Variants in AHCYL1 observed in about 807,000 individuals in gnomAD.
AHCYL1 encodes adenosylhomocysteinase like 1, also known as S-adenosylhomocysteine hydrolase-like protein 1.
In AHCYL1, 20 loss-of-function variants were observed where a neutral mutation model predicts 79.3. That is an observed-to-expected ratio of 0.25 (90% CI 0.18 to 0.37). The LOEUF is 0.37. AHCYL1 is among the 10% of genes least tolerant of loss of function. AHCYL1 has a pLI of 1.00. For synonymous variants in AHCYL1, 223 were observed against 242.2 expected (o/e 0.92, Z 0.74); for missense variants, 330 against 673.6 (o/e 0.49, Z 5.65).
chr1:109,990,208 C>G (rs1012845253), intron 1 of AHCYL1, among the ~76,000 whole-genome samples: 5 of 152,200 alleles, frequency 3.3e-5, no homozygotes, highest in Non-Finnish European at 7.3e-5. Context: ...CCTTTAGTCT[C>G]TACCATCTAA....
At chr1:110,012,056 T>A (rs1651068445) in intron 3 of AHCYL1, among the ~76,000 whole-genome samples, 1 of 152,234 alleles carries the variant, frequency 6.6e-6, no homozygotes, top group Non-Finnish European at 1.5e-5. Flanking sequence ...CTTAACTATT[T>A]TCCTCTCTTC....
Position 109,984,925 on chromosome 1 carries a change from T to C in AHCYL1, c.-128T>C. 2 of 1,309,506 alleles carry C rather than the reference T, an allele frequency of 1.5e-6. No homozygotes were observed. The highest frequency in any genetic ancestry group is 1.9e-6 in the Non-Finnish European group (2 of 1,028,058). 81.1% of individuals were successfully genotyped at this position (1,309,506 alleles called of 1,614,324 possible). Reference sequence around the variant, plus strand: ...ACAGCACCTCAGAAGCCGACGCAGCTCGACGCAGGGGCCGGCAGGAGGGTG... The same window carrying C: ...ACAGCACCTCAGAAGCCGACGCAGCCCGACGCAGGGGCCGGCAGGAGGGTG... On this transcript the variant is annotated 5_prime_UTR_variant, in exon 1 of 17. Transcript: ENST00000369799.
chr1:109,985,067 C>G lies in AHCYL1; in HGVS notation c.15C>G (p.Asp5Glu). The G allele has an allele frequency of 1.2e-6, 2 of 1,602,500 alleles. No individual in the cohort carries two copies. The highest frequency in any genetic ancestry group is 1.7e-6 in the Non-Finnish European group (2 of 1,175,616). The change falls in exon 1 of 17, where the codon GAC (aspartate) becomes GAG (glutamate). Residue 5 changes from aspartate to glutamate, a missense_variant. Transcript: ENST00000369799. Reference protein sequence around the residue: MSMPDAMPLPGVGEE... With the variant: MSMPEAMPLPGVGEE... ...CCGGCCGGGGAATGTCGATGCCTGA[C>G]GCGATGCCGCTGCCCGGGGTCGGGG...
chr1:109,995,775 TGGGGGA>T, intron 1 of AHCYL1: 1 of 823,512 alleles, frequency 1.2e-6, no homozygotes, highest in Non-Finnish European at 1.5e-6. Flanking sequence ...GTAATCAGAA[TGGGGGA>T]GGAGCTGAGA....
At chr1:110,017,734 C>T in intron 10 of AHCYL1, 151 bp downstream of exon 10, 1 of 1,013,140 alleles carries the variant, frequency 9.9e-7, no homozygotes, top group Non-Finnish European at 1.4e-6. Context: ...AACCCTAGGG[C>T]TCTCTGAGAG....
At chr1:110,020,629 C>G (rs576691755) in intron 15 of AHCYL1, 102 bp from the exon 16 acceptor site, 15 of 1,413,754 alleles carry the variant, frequency 1.1e-5, no homozygotes, top group Admixed American at 2.4e-5. Context: ...TATTCCATCC[C>G]TTGTCTGCTT....
chr1:110,019,741 GGTT>G, intron 15 of AHCYL1, 115 bp downstream of exon 15: 1 of 1,027,542 alleles, frequency 9.7e-7, no homozygotes, highest in Non-Finnish European at 1.4e-6. Flanking sequence ...TGTGCTTACT[GGTT>G]GTTTGACCTC....
At chr1:110,020,095 G>A (rs1651695036) in intron 15 of AHCYL1, among the ~76,000 whole-genome samples, 1 of 152,160 alleles carries the variant, frequency 6.6e-6, no homozygotes, top group Admixed American at 6.5e-5. Context: ...TTTCTGCACG[G>A]TGTACCCATC....
intron 1 of AHCYL1, among the ~76,000 whole-genome samples, chr1:109,987,200 A>G (rs775978072): frequency 1.3e-5 from 2 of 152,370 alleles, no homozygotes; most frequent in East Asian, 3.9e-4. Context: ...TATTAAGTTA[A>G]TGGATCAGTT....
chr1:110,021,560 G>C, intron 16 of AHCYL1, 114 bp from the exon 17 acceptor site: 1 of 960,820 alleles, frequency 1.0e-6, no homozygotes, highest in Non-Finnish European at 1.6e-6. Flanking sequence ...ATGACTGCAG[G>C]GATCCCACCC....
chr1:109,991,067 C>T (rs1025995189), intron 1 of AHCYL1, among the ~76,000 whole-genome samples: 2 of 152,096 alleles, frequency 1.3e-5, no homozygotes, highest in Non-Finnish European at 2.9e-5. Flanking sequence ...GCATCCATGC[C>T]TTTGTTGAGA....
intron 1 of AHCYL1, among the ~76,000 whole-genome samples, chr1:109,996,062 C>G (rs1268224929): frequency 6.6e-6 from 1 of 152,106 alleles, no homozygotes; most frequent in Non-Finnish European, 1.5e-5. Flanking sequence ...CAAAAATTAG[C>G]CGGGTGTGGT....
intron 2 of AHCYL1, 102 bp from the exon 3 acceptor site, chr1:110,011,112 G>A: frequency 7.0e-7 from 1 of 1,419,340 alleles, no homozygotes; most frequent in East Asian, 2.4e-5. Context: ...CCAATTAAGG[G>A]TGTTCCCTTA....
chr1:110,017,955 G>C lies in AHCYL1; in HGVS notation c.1062G>C (p.Gly354=), dbSNP rs1287690491. The change falls in exon 11 of 17, where the codon GGG becomes GGC. Residue 354 remains glycine, a synonymous_variant. Transcript: ENST00000369799. ...CTTTCTTTTCTTCCAGCATGGATGG[G>C]TTCAGGGTGGTAAAGCTAAATGAAG... ...PICALQACMD[G]FRVVKLNEVI... The C allele has an allele frequency of 6.2e-7, 1 of 1,614,196 alleles. No homozygotes were observed. Among genetic ancestry groups the C allele is most frequent in the South Asian group, 1.1e-5 (1 of 91,076 alleles).
At chr1:110,020,676 A>G (rs1651741928) in intron 15 of AHCYL1, 55 bp from the exon 16 acceptor site, 2 of 1,518,472 alleles carry the variant, frequency 1.3e-6, no homozygotes, top group Non-Finnish European at 1.8e-6. Flanking sequence ...GGAAGTTATA[A>G]CTTGAGAGAC....
At chr1:110,009,553 C>T (rs1353566876) in intron 2 of AHCYL1, among the ~76,000 whole-genome samples, 5 of 152,324 alleles carry the variant, frequency 3.3e-5, no homozygotes, top group Admixed American at 2.6e-4. Flanking sequence ...TTTCTTGTCT[C>T]CAAGACTGCT....
At chr1:110,018,835 A>G (rs979514036) in intron 13 of AHCYL1, 185 bp downstream of exon 13, 1 of 732,588 alleles carries the variant, frequency 1.4e-6, no homozygotes, top group East Asian at 2.7e-5. Flanking sequence ...TTACTAAGTA[A>G]CACTATTTCC....
intron 1 of AHCYL1, among the ~76,000 whole-genome samples, chr1:109,987,578 G>A (rs576553101): frequency 3.9e-5 from 6 of 152,256 alleles, no homozygotes; most frequent in Admixed American, 1.3e-4. Context: ...TCACTTTCTG[G>A]TCAGCTTTTA....
intron 1 of AHCYL1, among the ~76,000 whole-genome samples, chr1:109,995,021 C>A (rs1167781530): frequency 6.6e-6 from 1 of 152,192 alleles, no homozygotes; most frequent in Non-Finnish European, 1.5e-5. Context: ...TATTGCACCC[C>A]TTCCCCAAGA....
Sources: gnomAD v4.1 joint callset for allele counts (sites outside exome capture counted in the v4.1 genomes callset) on GRCh38, gnomAD v4.1.1 for gene constraint, MANE v1.5 for transcripts, NCBI Gene and HGNC (gene_info 2026-07-23, HGNC 2026-07-21) for gene names.